The following PKP2 variants were observed in gnomAD, a reference collection of about 807,000 sequenced individuals.
PKP2 encodes the protein plakophilin 2.
Under a neutral mutation model 83.4 loss-of-function variants are expected in PKP2, and 73 were observed. That is an observed-to-expected ratio of 0.88 (90% confidence interval 0.72 to 1.06). The LOEUF is 1.06. Ranked by LOEUF, PKP2 falls within the 50% of genes least tolerant of loss-of-function variation. The pLI, the probability that PKP2 is intolerant of heterozygous loss-of-function variation, is 0.00. For synonymous variants in PKP2, 409 were observed against 430.4 expected (o/e 0.95, Z 0.62); for missense variants, 966 against 1,065.4 (o/e 0.91, Z 1.30).
chr12:32,857,048 A>G (rs1426461813), intron 4 of PKP2, among the ~76,000 whole-genome samples: 3 of 152,256 alleles, frequency 2.0e-5, no homozygotes, highest in Non-Finnish European at 4.4e-5. Context: ...TTCAGAGTCC[A>G]TGATTAAACC....
rs1359350067 is a variant in PKP2, at chr12:32,791,664, G to A, written c.*760C>T. ...AAAAATCTCATTGACTCAGTGTTTGGGGGAACGTTAAATTTTATCATCACA... is the reference window on the plus strand; with the variant it reads ...AAAAATCTCATTGACTCAGTGTTTGAGGGAACGTTAAATTTTATCATCACA... On this transcript the variant is annotated 3_prime_UTR_variant, in exon 13 of 13. Coordinates refer to ENST00000340811, the MANE Select transcript of PKP2 (RefSeq NM_001005242.3). The A allele has an allele frequency of 2.0e-5, 3 of 152,136 alleles. No individual in the cohort carries two copies. The highest frequency in any genetic ancestry group is 1.5e-5 in the Non-Finnish European group (1 of 68,042). The allele number at this position is 152,136 out of a possible 1,614,324, so 9.4% of individuals were successfully genotyped here.
At chr12:32,882,505 T>C (rs970506904) in intron 1 of PKP2, among the ~76,000 whole-genome samples, 4 of 152,306 alleles carry the variant, frequency 2.6e-5, no homozygotes, top group South Asian at 4.1e-4. Flanking sequence ...GTTTTCTAAA[T>C]GTGTAAGAAT....
intron 4 of PKP2, among the ~76,000 whole-genome samples, chr12:32,853,837 T>A (rs143013186): frequency 2.0e-4 from 31 of 152,266 alleles, no homozygotes; most frequent in African/African-American, 6.7e-4. Context: ...TAAGTTAAAC[T>A]ACAGAAAGAA....
chr12:32,877,496 TGAA>T (rs1187127426), intron 3 of PKP2, among the ~76,000 whole-genome samples: 1 of 152,198 alleles, frequency 6.6e-6, no homozygotes, highest in Non-Finnish European at 1.5e-5. Context: ...CATGGGATGA[TGAA>T]GAAAATACGC....
At position 32,792,162 on chromosome 12, in the gene PKP2, C is replaced by A; in HGVS notation, c.*262G>T. 4.0e-6 allele frequency: 2 copies of A among 495,874 alleles called. No homozygotes were observed. The highest frequency in any genetic ancestry group is 2.3e-5 in the South Asian group (1 of 43,866). The allele number at this position is 495,874 out of a possible 1,614,324, so 30.7% of individuals were successfully genotyped here. On this transcript the variant is annotated 3_prime_UTR_variant, in exon 13 of 13. Transcript: ENST00000340811. ...TCCACATGAATTCACATTTTGATTC[C>A]AGGAAGCCATGTACCATAAGCCCTA... is the stretch of plus-strand genomic sequence containing the variant.
chr12:32,878,670 C>T (rs1956958673), intron 2 of PKP2, 127 bp from the exon 3 acceptor site: 1 of 833,360 alleles, frequency 1.2e-6, no homozygotes, highest in Non-Finnish European at 1.9e-6. Context: ...GAAGTTTGCC[C>T]CTTTCTGGGT....
intron 4 of PKP2, among the ~76,000 whole-genome samples, chr12:32,851,633 T>A (rs1956697358): frequency 6.6e-6 from 1 of 152,094 alleles, no homozygotes; most frequent in Non-Finnish European, 1.5e-5. Flanking sequence ...CACGCCCAGC[T>A]AATTTTTTGT....
intron 9 of PKP2, among the ~76,000 whole-genome samples, chr12:32,814,478 C>T (rs1184617491): frequency 1.3e-5 from 2 of 152,114 alleles, no homozygotes; most frequent in African/African-American, 4.8e-5. Context: ...TCTCCCTGCT[C>T]TCCCTCCCTC....
intron 4 of PKP2, among the ~76,000 whole-genome samples, chr12:32,867,547 A>G (rs1316910510): frequency 1.3e-5 from 2 of 152,226 alleles, no homozygotes; most frequent in East Asian, 1.9e-4. Context: ...AACAAAACTG[A>G]TACATTTAGA....
At chr12:32,878,613 T>G (rs1956957974) in intron 2 of PKP2, 70 bp from the exon 3 acceptor site, 1 of 1,206,820 alleles carries the variant, frequency 8.3e-7, no homozygotes, top group Non-Finnish European at 1.2e-6. Flanking sequence ...GACTAATTAC[T>G]CTGGGACTAT....
rs118129793 is a variant in PKP2, at chr12:32,870,073, T to C, written c.1035-1011A>G. The stretch of plus-strand genomic sequence containing the variant: ...AATGACTAAAGACATGCTTTAAAGG[T>C]AATTTAGGAGTGTTCTTTGGCTTCA... On this transcript the variant is annotated intron_variant, in intron 3 of 12. Coordinates refer to ENST00000340811, the MANE Select transcript of PKP2 (RefSeq NM_001005242.3). 6.0e-3 allele frequency among the ~76,000 whole-genome samples: 907 copies of C among 152,144 alleles called. 4 individuals carry two copies. The highest frequency in any genetic ancestry group is 8.8e-3 in the Non-Finnish European group (596 of 67,984).
rs1046572035 is a variant in PKP2, at chr12:32,840,045, C to T, written c.1556+983G>A. Among the ~76,000 whole-genome samples the T allele has an allele frequency of 1.8e-4, 27 of 152,304 alleles. 1 individual carries two copies. The highest frequency in any genetic ancestry group is 1.3e-3 in the Admixed American group (20 of 15,298). On this transcript the variant is annotated intron_variant, in intron 6 of 12. Coordinates refer to ENST00000340811, the MANE Select transcript of PKP2 (RefSeq NM_001005242.3). ...CGCAGCACTTCACTTGCACCTTTGA[C>T]ATCCTAGTTCGCAAACTTCAGTGAC...
chr12:32,800,289 G>T (rs1956167942), intron 10 of PKP2, among the ~76,000 whole-genome samples: 1 of 152,202 alleles, frequency 6.6e-6, no homozygotes, highest in South Asian at 2.1e-4. Flanking sequence ...GAGGCTGTGG[G>T]TTCCTTGAAG....
chr12:32,842,610 A>G (rs1956605225), intron 5 of PKP2, among the ~76,000 whole-genome samples: 3 of 152,110 alleles, frequency 2.0e-5, no homozygotes, highest in Non-Finnish European at 1.5e-5. Flanking sequence ...GAAGAGGGGC[A>G]GAAAGAGAAG....
chr12:32,893,591 C>G (rs992961769), intron 1 of PKP2: 7 of 152,132 alleles, frequency 4.6e-5, no homozygotes, highest in Admixed American at 1.3e-4. Flanking sequence ...TGCCTTATCT[C>G]TCTGTCTGAT....
chr12:32,813,898 C>G (rs1787549965), intron 9 of PKP2, among the ~76,000 whole-genome samples: 1 of 152,080 alleles, frequency 6.6e-6, no homozygotes, highest in African/African-American at 2.4e-5. Flanking sequence ...GTCCATGACT[C>G]AAAGGAATTT....
chr12:32,794,714 G>GT (rs144479819), intron 11 of PKP2, among the ~76,000 whole-genome samples: 1,759 of 152,322 alleles, frequency 0.012, 28 homozygotes, highest in African/African-American at 0.037. Flanking sequence ...TTTTGCAACA[G>GT]TAATTCACTC....
At chr12:32,798,443 A>G (rs1361619198) in intron 10 of PKP2, among the ~76,000 whole-genome samples, 1 of 151,746 alleles carries the variant, frequency 6.6e-6, no homozygotes, top group Non-Finnish European at 1.5e-5. Context: ...TCTACTATGT[A>G]TATAACTTCT....
intron 1 of PKP2, among the ~76,000 whole-genome samples, chr12:32,881,677 G>A (rs971832727): frequency 2.6e-5 from 4 of 151,980 alleles, no homozygotes. Context: ...TTTTTCAGAC[G>A]GAGTTTCGCT....
Sources: allele counts gnomAD v4.1 joint callset (sites outside exome capture counted in the v4.1 genomes callset), GRCh38; gene constraint gnomAD v4.1.1; transcripts MANE v1.5; gene names NCBI Gene and HGNC (gene_info 2026-07-23, HGNC 2026-07-21).